Variants in SLC24A4 observed in about 807,000 individuals in gnomAD.
SLC24A4 encodes sodium/potassium/calcium exchanger 4.
SLC24A4 carries 53 observed loss-of-function variants against 79.0 expected under a neutral mutation model. That is an observed-to-expected ratio of 0.67 (90% CI 0.54 to 0.84). The LOEUF is 0.84. SLC24A4 is among the 40% of genes least tolerant of loss of function. SLC24A4 has a pLI of 0.00. For synonymous variants in SLC24A4, 323 were observed against 323.8 expected, an observed-to-expected ratio of 1.00 and a Z score of 0.03; for missense variants, 731 against 822.0, an observed-to-expected ratio of 0.89 and a Z score of 1.35.
intron 2 of SLC24A4, among the ~76,000 whole-genome samples, chr14:92,390,417 T>A (rs985561097): frequency 2.0e-5 from 3 of 152,138 alleles, no homozygotes; most frequent in Admixed American, 2.0e-4. Flanking sequence ...TTTTAAACAC[T>A]CTGAACACTT....
chr14:92,499,778 C>T lies in SLC24A4; in HGVS notation c.*6150C>T, dbSNP rs959352698. On this transcript the variant is annotated 3_prime_UTR_variant, in exon 17 of 17. Coordinates refer to ENST00000532405, the MANE Select transcript of SLC24A4 (RefSeq NM_153646.4). ...CAAGTGATCCTCCTGCCTTGACCTC[C>T]CAAAGTGCTGGATTACAAGCGTGAG... The T allele has an allele frequency of 2.6e-5, 4 of 151,822 alleles. No homozygotes were observed. The highest frequency in any genetic ancestry group is 9.7e-5 in the African/African-American group (4 of 41,298). The allele number at this position is 151,822 out of a possible 1,614,324, so 9.4% of individuals were successfully genotyped here. A position where few individuals can be genotyped will look rare whatever the true frequency, so the allele number is the denominator to read the frequency against.
chr14:92,465,049 T>A (rs1182873393), intron 12 of SLC24A4, among the ~76,000 whole-genome samples: 1 of 152,196 alleles, frequency 6.6e-6, no homozygotes, highest in Non-Finnish European at 1.5e-5. Flanking sequence ...AGCTGGTATT[T>A]ATGGTATCCC....
At chr14:92,487,081 C>A (rs1895408412) in intron 14 of SLC24A4, among the ~76,000 whole-genome samples, 1 of 152,212 alleles carries the variant, frequency 6.6e-6, no homozygotes, top group African/African-American at 2.4e-5. Flanking sequence ...CAAGCCCAGA[C>A]TTTATACAGC....
At chr14:92,416,865 C>G (rs1595247473) in intron 2 of SLC24A4, among the ~76,000 whole-genome samples, 1 of 152,268 alleles carries the variant, frequency 6.6e-6, no homozygotes, top group Admixed American at 6.5e-5. Context: ...TTTTCTTGTT[C>G]TGAGATTTGA....
At chr14:92,472,411 TCC>T (rs1043599140) in intron 12 of SLC24A4, among the ~76,000 whole-genome samples, 7 of 152,200 alleles carry the variant, frequency 4.6e-5, no homozygotes, top group East Asian at 1.9e-4. Flanking sequence ...TCCCACCCTT[TCC>T]CCCGAGTCCC....
rs1311302460 is a variant in SLC24A4, at chr14:92,500,613, G to C, written c.*6985G>C. 6.6e-6 allele frequency: 1 copy of C among 152,360 alleles called. No individual in the cohort carries two copies. Among genetic ancestry groups the C allele is most frequent in the East Asian group, 1.9e-4 (1 of 5,198 alleles). The allele number at this position is 152,360 out of a possible 1,614,324, so 9.4% of individuals were successfully genotyped here. On this transcript the variant is annotated 3_prime_UTR_variant, in exon 17 of 17. Transcript: ENST00000532405. ...CCATGACCACACTGTCTGCTTCCTT[G>C]AGCTTCCCGCACGAGGCTTGGACCT... is the stretch of plus-strand genomic sequence containing the variant.
intron 2 of SLC24A4, among the ~76,000 whole-genome samples, chr14:92,401,902 C>G (rs980648187): frequency 6.6e-6 from 1 of 152,144 alleles, no homozygotes; most frequent in Non-Finnish European, 1.5e-5. Context: ...ACCAAATAAA[C>G]CCACCAATAG....
chr14:92,399,672 C>T lies in SLC24A4; in HGVS notation c.242-34240C>T, dbSNP rs568777615. Among the ~76,000 whole-genome samples, 8 of 152,238 alleles carry T rather than the reference C, an allele frequency of 5.3e-5. No individual in the cohort carries two copies. The East Asian group carries it at 5.8e-4, about 11-fold the overall frequency. ...TGGGGCTGAACTTCAGCTGGTTTTG[C>T]GCTATGAAGGGGCTGATCATTTACT... On this transcript the variant is annotated intron_variant, in intron 2 of 16. Transcript: ENST00000532405.
At chr14:92,430,865 A>G (rs1263820189) in intron 2 of SLC24A4, among the ~76,000 whole-genome samples, 1 of 152,132 alleles carries the variant, frequency 6.6e-6, no homozygotes, top group East Asian at 1.9e-4. Context: ...TGACCTCAAA[A>G]GCCGTGTGTA....
At chr14:92,444,920 TATACACACACATAC>T (rs763271593) in intron 7 of SLC24A4, among the ~76,000 whole-genome samples, 8,235 of 123,362 alleles carry the variant, frequency 0.067, 319 homozygotes, top group Non-Finnish European at 0.09. Flanking sequence ...ACACACCCTA[TATACACACACATAC>T]ACACACACAC....
chr14:92,355,303 A>G lies in SLC24A4; in HGVS notation c.241+29325A>G, dbSNP rs565453120. On this transcript the variant is annotated intron_variant, in intron 2 of 16. Transcript: ENST00000532405. ...AGTGTGGCTGGAGCGGGGTGGGGGC[A>G]GTAGGAGAGTAGCCTATAGAGATTG... is the stretch of plus-strand genomic sequence containing the variant. Among the ~76,000 whole-genome samples the G allele has an allele frequency of 2.0e-5, 3 of 152,284 alleles. No homozygotes were observed. The South Asian group carries it at 6.2e-4, about 32-fold the overall frequency.
intron 2 of SLC24A4, among the ~76,000 whole-genome samples, chr14:92,400,214 G>A (rs1181001284): frequency 6.6e-6 from 1 of 152,168 alleles, no homozygotes; most frequent in Admixed American, 6.5e-5. Flanking sequence ...GCCAAGGCGG[G>A]CAGATCACGA....
chr14:92,387,914 A>G (rs1004583897), intron 2 of SLC24A4, among the ~76,000 whole-genome samples: 4 of 152,238 alleles, frequency 2.6e-5, no homozygotes, highest in African/African-American at 9.6e-5. Context: ...TCCACTGTAT[A>G]TGTGTACCAC....
intron 14 of SLC24A4, among the ~76,000 whole-genome samples, chr14:92,489,363 C>T (rs1310645262): frequency 6.6e-6 from 1 of 152,070 alleles, no homozygotes; most frequent in Admixed American, 6.6e-5. Flanking sequence ...TGCTTGAACC[C>T]AGGAGGCAGA....
chr14:92,375,452 G>A (rs1335513948), intron 2 of SLC24A4, among the ~76,000 whole-genome samples: 1 of 152,186 alleles, frequency 6.6e-6, no homozygotes, highest in Non-Finnish European at 1.5e-5. Context: ...CCACTCATAA[G>A]TATCTACCAC....
chr14:92,423,718 G>A (rs1891413953), intron 2 of SLC24A4, among the ~76,000 whole-genome samples: 1 of 152,200 alleles, frequency 6.6e-6, no homozygotes, highest in Admixed American at 6.5e-5. Flanking sequence ...CTCAAAGTCA[G>A]GCAAGGGAGC....
chr14:92,469,942 G>A (rs1420271309), intron 12 of SLC24A4, among the ~76,000 whole-genome samples: 1 of 152,192 alleles, frequency 6.6e-6, no homozygotes, highest in Non-Finnish European at 1.5e-5. Flanking sequence ...AATGGCTAGG[G>A]GTTTCCACTG....
chr14:92,436,768 GAAGA>G (rs1424146255), intron 3 of SLC24A4, among the ~76,000 whole-genome samples: 2 of 152,178 alleles, frequency 1.3e-5, no homozygotes, highest in African/African-American at 2.4e-5. Flanking sequence ...TCAGGGCTCA[GAAGA>G]GAGAGAGGCC....
intron 12 of SLC24A4, among the ~76,000 whole-genome samples, chr14:92,468,363 C>T (rs1771481335): frequency 6.6e-6 from 1 of 152,130 alleles, no homozygotes; most frequent in African/African-American, 2.4e-5. Flanking sequence ...TTAATGCAAT[C>T]CTTATCAAAA....
Sources: gnomAD v4.1 joint callset for allele counts (sites outside exome capture counted in the v4.1 genomes callset) on GRCh38, gnomAD v4.1.1 for gene constraint, MANE v1.5 for transcripts, NCBI Gene and HGNC (gene_info 2026-07-23, HGNC 2026-07-21) for gene names.